The following EIF3F variants were observed in gnomAD, a reference collection of about 807,000 sequenced individuals.
The protein encoded by EIF3F is eukaryotic translation initiation factor 3 subunit F, also known as deubiquitinating enzyme eIF3f.
In EIF3F, 8 loss-of-function variants were observed where a neutral mutation model predicts 36.0. That is an observed-to-expected ratio of 0.22 (90% CI 0.13 to 0.40). The LOEUF (loss-of-function observed/expected upper bound fraction) is 0.40. Ranked by LOEUF, EIF3F falls within the 10% of genes least tolerant of loss-of-function variation. The pLI, the probability that EIF3F is intolerant of heterozygous loss-of-function variation, is 1.00. For missense variants in EIF3F, 430 were observed against 467.6 expected (o/e 0.92, Z 0.74); for synonymous variants, 184 against 188.5 (o/e 0.98, Z 0.19).
At position 7,996,074 on chromosome 11, in the gene EIF3F, G is replaced by A. The variant is rs889618518; in HGVS notation, c.*52G>A. On this transcript the variant is annotated 3_prime_UTR_variant, in exon 8 of 8. Transcript: ENST00000651655. Reference sequence around the variant, plus strand: ...GTCTAGGTATTAACCCCAGGACTCAGAAGTGAAGGAGAAATGGGTTTTTTG... The same window carrying A: ...GTCTAGGTATTAACCCCAGGACTCAAAAGTGAAGGAGAAATGGGTTTTTTG... 1.3e-5 allele frequency: 20 copies of A among 1,562,942 alleles called. No individual in the cohort carries two copies. The East Asian group carries it at 4.0e-4, about 32-fold the overall frequency.
At chr11:7,991,666 G>A in intron 1 of EIF3F, 115 bp from the exon 2 acceptor site, 2 of 1,003,672 alleles carry the variant, frequency 2.0e-6, no homozygotes, top group South Asian at 2.6e-5. Context: ...GAGCTAATGA[G>A]TTCAGTTAGG....
intron 3 of EIF3F, 155 bp from the exon 4 acceptor site, chr11:7,992,732 C>A: frequency 2.3e-6 from 2 of 885,706 alleles, no homozygotes; most frequent in Non-Finnish European, 3.5e-6. Context: ...TTTTATTTGA[C>A]ATAGTTTTCG....
rs1340421291 is a variant in EIF3F at position 8,001,845 on chromosome 11, A to C, written c.*5823A>C. 1 of 152,158 alleles carries C rather than the reference A, an allele frequency of 6.6e-6. No individual in the cohort carries two copies. Among genetic ancestry groups the C allele is most frequent in the Non-Finnish European group, 1.5e-5 (1 of 68,034 alleles). 9.4% of individuals were successfully genotyped at this position (152,158 alleles called of 1,614,324 possible). A position where few individuals can be genotyped will look rare whatever the true frequency, so the allele number is the denominator to read the frequency against. On this transcript the variant is annotated 3_prime_UTR_variant, in exon 8 of 8. Coordinates refer to ENST00000651655, the MANE Select transcript of EIF3F (RefSeq NM_003754.3). ...AAAAAATATATAAAAATATAAAAAC[A>C]TGAAAAACATGAAACAATACCTTAT...
intron 1 of EIF3F, 186 bp downstream of exon 1, chr11:7,987,902 C>T: frequency 1.2e-6 from 1 of 814,958 alleles, no homozygotes; most frequent in Middle Eastern, 4.1e-4. Context: ...ACTTGCATCT[C>T]TCCTCTCTCT....
At chr11:7,991,760 G>T (rs1018560259) in intron 1 of EIF3F, 21 bp from the exon 2 acceptor site, 1 of 1,613,736 alleles carries the variant, frequency 6.2e-7, no homozygotes, top group East Asian at 2.2e-5. Context: ...TATAACACAT[G>T]GACGATTCTC....
At position 7,995,318 on chromosome 11, in the gene EIF3F, C is replaced by A; in HGVS notation, c.947C>A (p.Pro316Gln). The change falls in exon 7 of 8, where the codon CCG becomes CAG. Residue 316 changes from proline (P) to glutamine (Q), a missense_variant. This residue lies in a region of EIF3F where 262 missense variants were observed against 347.4 expected (regional missense o/e 0.75). Coordinates refer to ENST00000651655, the MANE Select transcript of EIF3F (RefSeq NM_003754.3). Reference sequence around the variant, plus strand: ...CTGATGAGCCTGGTTAACCAAGTACCGAAAATAGTTCCCGATGACTTTGAG... The same window carrying A: ...CTGATGAGCCTGGTTAACCAAGTACAGAAAATAGTTCCCGATGACTTTGAG... Reference protein sequence around the residue: ...RFLMSLVNQVPKIVPDDFETM... With the variant: ...RFLMSLVNQVQKIVPDDFETM... 6.2e-7 allele frequency: 1 copy of A among 1,614,062 alleles called. No homozygotes were observed. The highest frequency in any genetic ancestry group is 8.5e-7 in the Non-Finnish European group (1 of 1,180,000).
At chr11:7,990,243 T>C (rs1942076626) in intron 1 of EIF3F, among the ~76,000 whole-genome samples, 1 of 152,168 alleles carries the variant, frequency 6.6e-6, no homozygotes, top group Non-Finnish European at 1.5e-5. Context: ...GGTTAGGAAT[T>C]ATGTCATTGG....
chr11:7,995,809 T>TTA, intron 7 of EIF3F, 136 bp from the exon 8 acceptor site: 1 of 741,682 alleles, frequency 1.3e-6, no homozygotes, highest in South Asian at 1.6e-5. Context: ...TTTTTGACTT[T>TTA]TATTCAGTCT....
intron 4 of EIF3F, among the ~76,000 whole-genome samples, chr11:7,993,357 C>G (rs552961975): frequency 2.3e-4 from 35 of 152,338 alleles, no homozygotes; most frequent in Non-Finnish European, 4.6e-4. Flanking sequence ...TCACCACATT[C>G]ATTACTTTTC....
At position 7,987,618 on chromosome 11, in the gene EIF3F, G is replaced by A. The variant is rs762690954; in HGVS notation, c.266G>A (p.Gly89Asp). The part of the protein sequence containing the change: ...GPALPGPFPG[G>D]RVVRLHPVIL... The stretch of plus-strand genomic sequence containing the variant: ...GCTCTTCCAGGGCCCTTCCCCGGCG[G>A]CCGCGTGGTCAGGCTGCACCCAGTC... The change falls in exon 1 of 8, where the codon GGC becomes GAC. Residue 89 changes from glycine (G) to aspartate (D), a missense_variant. Transcript: ENST00000651655. 2 of 1,582,906 alleles carry A rather than the reference G, an allele frequency of 1.3e-6. No homozygotes were observed. Among genetic ancestry groups the A allele is most frequent in the East Asian group, 2.3e-5 (1 of 43,912 alleles).
chr11:7,995,455 G>A, intron 7 of EIF3F, 88 bp downstream of exon 7: 2 of 1,096,470 alleles, frequency 1.8e-6, no homozygotes, highest in Non-Finnish European at 2.8e-6. Flanking sequence ...TGGGTGAGGT[G>A]ACCTGGAGTA....
intron 5 of EIF3F, chr11:7,994,755 TC>T (rs1942142055): frequency 1.4e-6 from 1 of 717,274 alleles, no homozygotes; most frequent in Non-Finnish European, 2.3e-6. Flanking sequence ...TCACATGAGA[TC>T]AAAACCGGTG....
chr11:7,994,773 A>G, intron 5 of EIF3F: 1 of 747,286 alleles, frequency 1.3e-6, no homozygotes. Flanking sequence ...GGTGATGAGC[A>G]TACCAGGTAA....
chr11:7,988,589 C>T (rs1942055371), intron 1 of EIF3F, among the ~76,000 whole-genome samples: 2 of 152,218 alleles, frequency 1.3e-5, no homozygotes, highest in Non-Finnish European at 2.9e-5. Context: ...CGTTTCCATT[C>T]CATCTTAGTG....
Position 7,999,281 on chromosome 11 carries a change from A to C in EIF3F, c.*3259A>C, listed in dbSNP as rs1319647257. The C allele has an allele frequency of 6.6e-6, 1 of 152,114 alleles. No homozygotes were observed. The highest frequency in any genetic ancestry group is 1.5e-5 in the Non-Finnish European group (1 of 68,000). 9.4% of individuals were successfully genotyped at this position (152,114 alleles called of 1,614,324 possible). A position where few individuals can be genotyped will look rare whatever the true frequency, so the allele number is the denominator to read the frequency against. ...ATCCTTTCTCAAGAAAAAAAGTGAA[A>C]AGGAGGAGGGTTTTTAAAAAATTAG... On this transcript the variant is annotated 3_prime_UTR_variant, in exon 8 of 8. Coordinates refer to ENST00000651655, the MANE Select transcript of EIF3F (RefSeq NM_003754.3).
chr11:7,991,741 C>T (rs1942097677), intron 1 of EIF3F, 40 bp from the exon 2 acceptor site: 1 of 1,606,936 alleles, frequency 6.2e-7, no homozygotes. Flanking sequence ...GTTGGGAGCC[C>T]TAGGATTATA....
chr11:7,990,786 G>A (rs754912966), intron 1 of EIF3F, among the ~76,000 whole-genome samples: 3 of 151,922 alleles, frequency 2.0e-5, no homozygotes, highest in Non-Finnish European at 4.4e-5. Context: ...TTTAAATCCT[G>A]GGGTAGGAGG....
chr11:7,993,988 G>A (rs1182266509), intron 4 of EIF3F, among the ~76,000 whole-genome samples: 3 of 152,104 alleles, frequency 2.0e-5, no homozygotes, highest in Admixed American at 2.0e-4. Context: ...TACCTTTAGT[G>A]AGATGACTTA....
Position 8,000,946 on chromosome 11 carries a change from AAATC to A in EIF3F, c.*4925_*4928del, listed in dbSNP as rs1333816802. On this transcript the variant is annotated 3_prime_UTR_variant, in exon 8 of 8. Coordinates refer to ENST00000651655, the MANE Select transcript of EIF3F (RefSeq NM_003754.3). ...ACTGACAAATTTAGCAACATTTTTA[AAATC>A]TGAGTGTCAAATTACACACATACAC... The A allele has an allele frequency of 1.3e-5, 2 of 152,232 alleles. No homozygotes were observed. Among genetic ancestry groups the A allele is most frequent in the African/African-American group, 4.8e-5 (2 of 41,460 alleles). The allele number at this position is 152,232 out of a possible 1,614,324, so 9.4% of individuals were successfully genotyped here.
Sources: allele counts gnomAD v4.1 joint callset (sites outside exome capture counted in the v4.1 genomes callset), GRCh38; gene constraint gnomAD v4.1.1; regional missense constraint gnomAD v4.1.1; transcripts MANE v1.5; gene names NCBI Gene and HGNC (gene_info 2026-07-23, HGNC 2026-07-21).